Variants in A2M observed in about 807,000 individuals in gnomAD.
A2M encodes the protein alpha-2-macroglobulin.
A neutral mutation model predicts 183.9 loss-of-function variants in A2M; 128 were observed. The ratio of observed to expected loss-of-function variants is 0.70; its 90% CI spans 0.60 to 0.81. The LOEUF is 0.81. Among genes scored for constraint, A2M ranks in the 30% least tolerant of loss-of-function variants. The pLI is 0.00. For missense variants in A2M, 1,495 were observed against 1,787.6 expected (o/e 0.84, Z 2.95); for synonymous variants, 592 against 670.8 (o/e 0.88, Z 1.81).
At chr12:9,108,794 A>G (rs1938501982) in intron 7 of A2M, among the ~76,000 whole-genome samples, 1 of 152,218 alleles carries the variant, frequency 6.6e-6, no homozygotes, top group Non-Finnish European at 1.5e-5. Flanking sequence ...GTCAGTGCAG[A>G]CAGGTATGTA....
intron 31 of A2M, 148 bp downstream of exon 31, chr12:9,072,211 G>T: frequency 1.1e-6 from 1 of 927,454 alleles, no homozygotes; most frequent in Non-Finnish European, 1.6e-6. Context: ...CCCCATCATT[G>T]AGAAATTATA....
In A2M at chr12:9,109,996, G is replaced by T. The variant is rs377549857; in HGVS notation, c.544C>A (p.Gln182Lys). 1.1e-5 allele frequency: 17 copies of T among 1,613,544 alleles called. No individual in the cohort carries two copies. The highest frequency in any genetic ancestry group is 1.7e-5 in the Admixed American group (1 of 59,958). ...GNRIAQWQSF[Q>K]LEGGLKQFSF... is the part of the protein sequence containing the mutation. ...AATTGCTTGAGGCCACCCTCTAACT[G>T]GAAACTCTGCCATTGTGCGATGCGA... is the stretch of plus-strand genomic sequence containing the variant. Residue 182 changes from glutamine to lysine, a missense_variant, in exon 6 of 36, where the codon CAG (glutamine) becomes AAG (lysine). Transcript: ENST00000318602.
intron 15 of A2M, among the ~76,000 whole-genome samples, chr12:9,097,253 C>A (rs757387632): frequency 6.6e-6 from 1 of 151,994 alleles, no homozygotes; most frequent in Admixed American, 6.5e-5. Context: ...GTTAAAATCC[C>A]ATTAGAAGGA....
intron 12 of A2M, 30 bp downstream of exon 12, chr12:9,101,417 T>A: frequency 1.3e-6 from 2 of 1,571,576 alleles, no homozygotes; most frequent in Non-Finnish European, 1.7e-6. Flanking sequence ...TTGTCTACAG[T>A]GAAGTCAACG....
At chr12:9,092,190 C>T (rs1434602217) in intron 18 of A2M, among the ~76,000 whole-genome samples, 1 of 152,128 alleles carries the variant, frequency 6.6e-6, no homozygotes, top group Non-Finnish European at 1.5e-5. Flanking sequence ...CCTCCTTCCC[C>T]TGGCTCGCCC....
intron 22 of A2M, among the ~76,000 whole-genome samples, chr12:9,081,059 T>C (rs1328854182): frequency 6.6e-6 from 1 of 152,220 alleles, no homozygotes; most frequent in East Asian, 1.9e-4. Flanking sequence ...GTTAAAACTT[T>C]TGTAAAAAAA....
At chr12:9,095,920 C>T (rs1055297635) in intron 15 of A2M, among the ~76,000 whole-genome samples, 6 of 150,890 alleles carry the variant, frequency 4.0e-5, no homozygotes, top group East Asian at 1.9e-4. Flanking sequence ...CCACCGCGCC[C>T]GGCTAATTTT....
intron 22 of A2M, among the ~76,000 whole-genome samples, chr12:9,082,001 G>C (rs190035466): frequency 1.3e-4 from 20 of 152,334 alleles, no homozygotes; most frequent in African/African-American, 4.8e-4. Context: ...TGAGTTTCCA[G>C]ATGGCCAGTC....
At chr12:9,088,662 T>C (rs1278616423) in intron 22 of A2M, among the ~76,000 whole-genome samples, 1 of 152,182 alleles carries the variant, frequency 6.6e-6, no homozygotes, top group East Asian at 1.9e-4. Flanking sequence ...CTTAGTGTAT[T>C]AAATTTTTCC....
intron 10 of A2M, 28 bp from the exon 11 acceptor site, chr12:9,104,428 A>G: frequency 6.4e-7 from 1 of 1,558,182 alleles, no homozygotes; most frequent in Non-Finnish European, 8.7e-7. Flanking sequence ...TGGATTAGTT[A>G]TATTGGTAAT....
At chr12:9,091,092 A>G (rs749955789) in intron 19 of A2M, 109 bp downstream of exon 19, 2 of 1,306,548 alleles carry the variant, frequency 1.5e-6, no homozygotes, top group Admixed American at 2.4e-5. Context: ...ACAATCATGA[A>G]TATCTAGTAA....
intron 22 of A2M, among the ~76,000 whole-genome samples, chr12:9,088,220 CA>C (rs1265968120): frequency 2.3e-4 from 35 of 150,202 alleles, no homozygotes; most frequent in Middle Eastern, 3.3e-3. Flanking sequence ...GAAAAATGTT[CA>C]GGGGGGTGAC....
chr12:9,115,091 T>C (rs1436188806), intron 1 of A2M: 3 of 144,946 alleles, frequency 2.1e-5, no homozygotes, highest in Non-Finnish European at 3.0e-5. Context: ...AGTAAATAAA[T>C]GGCAGGTAAA....
intron 11 of A2M, among the ~76,000 whole-genome samples, chr12:9,103,196 A>G (rs902350517): frequency 1.3e-5 from 2 of 152,232 alleles, no homozygotes; most frequent in African/African-American, 4.8e-5. Context: ...AAAAGTATCT[A>G]ACAGTTAAAG....
intron 17 of A2M, among the ~76,000 whole-genome samples, chr12:9,094,737 T>A (rs1949322168): frequency 6.6e-6 from 1 of 152,158 alleles, no homozygotes; most frequent in Non-Finnish European, 1.5e-5. Context: ...AACATTTCTA[T>A]TTCTGTTTAC....
At chr12:9,090,120 G>A (rs1289933005) in intron 20 of A2M, 97 bp from the exon 21 acceptor site, 8 of 1,513,774 alleles carry the variant, frequency 5.3e-6, no homozygotes, top group Non-Finnish European at 7.1e-6. Context: ...GTAAACTTTT[G>A]TTTTATTAAA....
At chr12:9,082,846 T>C (rs1948945738) in intron 22 of A2M, among the ~76,000 whole-genome samples, 1 of 152,356 alleles carries the variant, frequency 6.6e-6, no homozygotes, top group South Asian at 2.1e-4. Context: ...AAGTTTGACA[T>C]AGAAACGATT....
At chr12:9,095,845 C>T (rs1055327293) in intron 15 of A2M, 145 bp from the exon 16 acceptor site, 5 of 642,766 alleles carry the variant, frequency 7.8e-6, no homozygotes, top group African/African-American at 3.9e-5. Flanking sequence ...CTGCAAGCTC[C>T]GCTTCCCGGG....
rs1948437193 is a variant in A2M, at chr12:9,067,765, T to A, written c.*58A>T. The A allele has an allele frequency of 5.8e-6, 9 of 1,552,312 alleles. No individual in the cohort carries two copies. In the East Asian group the frequency reaches 2.0e-4, roughly 35 times the overall value. On this transcript the variant is annotated 3_prime_UTR_variant, in exon 36 of 36. Transcript: ENST00000318602. ...GTCTTTAAAGATACAAAAACACGTGTCTTCTGTGGAGCTCTGAGAACAGGA... is the reference window on the plus strand; with the variant it reads ...GTCTTTAAAGATACAAAAACACGTGACTTCTGTGGAGCTCTGAGAACAGGA...
Sources: gnomAD v4.1 joint callset for allele counts (sites outside exome capture counted in the v4.1 genomes callset) on GRCh38, gnomAD v4.1.1 for gene constraint, MANE v1.5 for transcripts, NCBI Gene and HGNC (gene_info 2026-07-23, HGNC 2026-07-21) for gene names.